Variants in EPHA5 observed in about 807,000 individuals in gnomAD.
EPHA5 encodes the protein ephrin type-A receptor 5.
A neutral mutation model predicts 105.0 loss-of-function variants in EPHA5; 60 were observed. That is an observed-to-expected ratio of 0.57 (90% CI 0.46 to 0.71). EPHA5 has a LOEUF of 0.71. Ranked by LOEUF, EPHA5 falls within the 30% of genes least tolerant of loss-of-function variation. The pLI is 0.00. For missense variants in EPHA5, 1,218 were observed against 1,274.7 expected (o/e 0.96, Z 0.68); for synonymous variants, 513 against 449.1 (o/e 1.14, Z -1.80).
chr4:65,612,758 T>A (rs1245952382), intron 2 of EPHA5, among the ~76,000 whole-genome samples: 5 of 152,334 alleles, frequency 3.3e-5, no homozygotes, highest in Non-Finnish European at 7.4e-5. Flanking sequence ...TTCTGTTCCT[T>A]GTAGATTCTG....
intron 6 of EPHA5, among the ~76,000 whole-genome samples, chr4:65,417,302 C>A (rs928630067): frequency 6.6e-6 from 1 of 152,222 alleles, no homozygotes; most frequent in South Asian, 2.1e-4. Flanking sequence ...ATGGTGGTGT[C>A]ATTCTGAAAG....
intron 7 of EPHA5, among the ~76,000 whole-genome samples, chr4:65,405,008 T>G (rs1443081454): frequency 6.6e-6 from 1 of 152,140 alleles, no homozygotes; most frequent in Non-Finnish European, 1.5e-5. Context: ...CTGAATATTA[T>G]TATAAAAATA....
chr4:65,421,480 G>C (rs1482202161), intron 5 of EPHA5, among the ~76,000 whole-genome samples: 1 of 152,114 alleles, frequency 6.6e-6, no homozygotes, highest in Non-Finnish European at 1.5e-5. Context: ...TTGTTCAGTA[G>C]TGAATATCTG....
intron 3 of EPHA5, among the ~76,000 whole-genome samples, chr4:65,513,545 C>T (rs890926333): frequency 1.3e-5 from 2 of 152,056 alleles, no homozygotes; most frequent in African/African-American, 4.8e-5. Flanking sequence ...TGCCACCACG[C>T]CCGACTAATT....
chr4:65,462,809 C>A, intron 5 of EPHA5, among the ~76,000 whole-genome samples: 1 of 152,246 alleles, frequency 6.6e-6, no homozygotes, highest in Non-Finnish European at 1.5e-5. Context: ...GTTGGAGAAA[C>A]AGACTCTAAC....
At chr4:65,365,328 A>C in intron 10 of EPHA5, 126 bp from the exon 11 acceptor site, 1 of 789,000 alleles carries the variant, frequency 1.3e-6, no homozygotes, top group Non-Finnish European at 2.0e-6. Context: ...CAAACAAACA[A>C]ACAAAAAGCA....
At chr4:65,491,022 T>G (rs1731350828) in intron 4 of EPHA5, among the ~76,000 whole-genome samples, 1 of 152,084 alleles carries the variant, frequency 6.6e-6, no homozygotes. Context: ...TAAAATTATA[T>G]ATTTATAAAC....
chr4:65,370,051 A>G (rs1189000753), intron 8 of EPHA5, among the ~76,000 whole-genome samples: 1 of 152,174 alleles, frequency 6.6e-6, no homozygotes, highest in East Asian at 1.9e-4. Flanking sequence ...GTAAATTTTC[A>G]GTAAACTTGA....
intron 8 of EPHA5, among the ~76,000 whole-genome samples, chr4:65,388,250 C>T (rs1341935943): frequency 2.0e-5 from 3 of 150,968 alleles, no homozygotes; most frequent in Non-Finnish European, 4.4e-5. Flanking sequence ...CAAGTCTTTG[C>T]TATTGTGAAT....
chr4:65,360,278 C>G (rs544011968), intron 11 of EPHA5, among the ~76,000 whole-genome samples: 1 of 151,630 alleles, frequency 6.6e-6, no homozygotes, highest in Non-Finnish European at 1.5e-5. Flanking sequence ...GAAACTCAGT[C>G]GGTTTAATCT....
intron 2 of EPHA5, among the ~76,000 whole-genome samples, chr4:65,639,143 T>G (rs943234858): frequency 1.3e-5 from 2 of 152,182 alleles, no homozygotes; most frequent in African/African-American, 4.8e-5. Flanking sequence ...AATAATCAGT[T>G]TATGTTTCCC....
intron 3 of EPHA5, among the ~76,000 whole-genome samples, chr4:65,581,525 C>T (rs1741624749): frequency 6.6e-6 from 1 of 151,624 alleles, no homozygotes; most frequent in African/African-American, 2.4e-5. Context: ...AACATGGGTC[C>T]TTATTTATCA....
rs190399767 is a variant in EPHA5, at chr4:65,540,557, A to G, written c.911-45014T>C. Among the ~76,000 whole-genome samples the G allele has an allele frequency of 1.8e-4, 27 of 151,618 alleles. 1 individual carries two copies. The highest frequency in any genetic ancestry group is 1.7e-3 in the Admixed American group (25 of 15,148). On this transcript the variant is annotated intron_variant, in intron 3 of 16. Transcript: ENST00000613740. ...ACTATTTTTAAATAATGAAAGAGAG[A>G]AGCATTTTAAAAGATTCTCAAAGCA...
At chr4:65,374,893 G>A (rs1718839490) in intron 8 of EPHA5, among the ~76,000 whole-genome samples, 1 of 151,588 alleles carries the variant, frequency 6.6e-6, no homozygotes, top group Non-Finnish European at 1.5e-5. Flanking sequence ...TTAGATGACG[G>A]GATTTCAGAT....
At chr4:65,447,868 A>T (rs987866398) in intron 5 of EPHA5, among the ~76,000 whole-genome samples, 7 of 152,186 alleles carry the variant, frequency 4.6e-5, no homozygotes, top group Middle Eastern at 3.2e-3. Context: ...GGGAAAAGAC[A>T]TGAAAGATAT....
intron 3 of EPHA5, among the ~76,000 whole-genome samples, chr4:65,499,107 T>C (rs1732234429): frequency 6.6e-6 from 1 of 151,610 alleles, no homozygotes; most frequent in South Asian, 2.1e-4. Context: ...CTGTTTCTGT[T>C]ACTATCAGCT....
intron 8 of EPHA5, among the ~76,000 whole-genome samples, chr4:65,380,176 T>A (rs766991561): frequency 6.6e-6 from 1 of 151,790 alleles, no homozygotes. Flanking sequence ...CAGTGTTTAG[T>A]ACCTAGAACA....
intron 5 of EPHA5, among the ~76,000 whole-genome samples, chr4:65,473,227 A>C (rs1486264546): frequency 6.6e-6 from 1 of 152,148 alleles, no homozygotes; most frequent in Non-Finnish European, 1.5e-5. Flanking sequence ...AAGCTTCCCT[A>C]CATCTTACCT....
intron 5 of EPHA5, among the ~76,000 whole-genome samples, chr4:65,440,833 T>C (rs1234285834): frequency 6.6e-6 from 1 of 151,960 alleles, no homozygotes; most frequent in African/African-American, 2.4e-5. Flanking sequence ...CCCATCTCCC[T>C]ATGGGTGTCT....
Sources: allele counts gnomAD v4.1 joint callset (sites outside exome capture counted in the v4.1 genomes callset), GRCh38; gene constraint gnomAD v4.1.1; transcripts MANE v1.5; gene names NCBI Gene and HGNC (gene_info 2026-07-23, HGNC 2026-07-21).